Variants in DAPK3 observed in about 807,000 individuals in gnomAD.
The protein encoded by DAPK3 is death-associated protein kinase 3.
A neutral mutation model predicts 30.6 loss-of-function variants in DAPK3; 24 were observed. The ratio of observed to expected loss-of-function variants is 0.78; its 90% CI spans 0.57 to 1.10. The LOEUF is 1.10. DAPK3 is among the 50% of genes least tolerant of loss of function. The probability of loss-of-function intolerance (pLI) is 0.00; values close to 1 mark genes in which losing one functional copy is unlikely to be tolerated. For synonymous variants in DAPK3, 341 were observed against 284.0 expected (o/e 1.20, Z -2.02); for missense variants, 629 against 657.3 (o/e 0.96, Z 0.47).
At chr19:3,963,844 C>A (rs768172200) in intron 5 of DAPK3, 27 bp downstream of exon 5, 1 of 1,512,372 alleles carries the variant, frequency 6.6e-7, no homozygotes, top group Non-Finnish European at 9.2e-7. Context: ...TGCAGGGAGG[C>A]CCGGTGGGAG....
In DAPK3 at chr19:3,959,410, G is replaced by C. The variant is rs1257562457; in HGVS notation, c.1056C>G (p.Asp352Glu). The change falls in exon 9 of 9, where the codon GAC becomes GAG. Residue 352 changes from aspartate to glutamate, a missense_variant. Asp to Glu is a conservative substitution (Grantham distance 45). This residue lies in a region of DAPK3 where 323 missense variants were observed against 278.8 expected (regional missense o/e 1.16). Coordinates refer to ENST00000545797, the MANE Select transcript of DAPK3 (RefSeq NM_001348.3). The stretch of plus-strand genomic sequence containing the variant: ...CGTAGATGGCGGCCAGCGCCTCCAC[G>C]TCCTCGTGGCAGAGCCGCCGGCTGC... ...LQRSRRLCHE[D>E]VEALAAIYEE... 6.4e-7 allele frequency: 1 copy of C among 1,562,094 alleles called. No individual in the cohort carries two copies. Among genetic ancestry groups the C allele is most frequent in the Non-Finnish European group, 8.6e-7 (1 of 1,161,228 alleles).
intron 6 of DAPK3, among the ~76,000 whole-genome samples, chr19:3,962,787 C>CAAA (rs35117218): frequency 0.062 from 4,195 of 67,244 alleles, 353 homozygotes; most frequent in African/African-American, 0.14. Flanking sequence ...AACTCTGTCT[C>CAAA]AAAAAAAAAA....
chr19:3,959,399 A>G lies in DAPK3; in HGVS notation c.1067T>C (p.Leu356Pro). Reference sequence around the variant, plus strand: ...CTCCTTCTCCTCGTAGATGGCGGCCAGCGCCTCCACGTCCTCGTGGCAGAG... The same window carrying G: ...CTCCTTCTCCTCGTAGATGGCGGCCGGCGCCTCCACGTCCTCGTGGCAGAG... ...RRLCHEDVEA[L>P]AAIYEEKEAW... The change falls in exon 9 of 9, where the codon CTG becomes CCG. Residue 356 changes from leucine (L) to proline (P), a missense_variant. By Grantham distance (98) the Leu-to-Pro change is moderately conservative (BLOSUM62 -3). This residue lies in a region of DAPK3 where 323 missense variants were observed against 278.8 expected (regional missense o/e 1.16). Coordinates refer to ENST00000545797, the MANE Select transcript of DAPK3 (RefSeq NM_001348.3). 1 of 1,568,194 alleles carries G rather than the reference A, an allele frequency of 6.4e-7. No homozygotes were observed. The highest frequency in any genetic ancestry group is 1.1e-5 in the South Asian group (1 of 87,136).
chr19:3,959,507 G>T lies in DAPK3; in HGVS notation c.959C>A (p.Ala320Asp). 1 of 1,563,322 alleles carries T rather than the reference G, an allele frequency of 6.4e-7. No individual in the cohort carries two copies. The highest frequency in any genetic ancestry group is 8.6e-7 in the Non-Finnish European group (1 of 1,162,224). The change falls in exon 9 of 9, where the codon GCC becomes GAC. Residue 320 changes from alanine to aspartate, a missense_variant. By Grantham distance (126) the Ala-to-Asp change is moderately radical (BLOSUM62 -2). Coordinates refer to ENST00000545797, the MANE Select transcript of DAPK3 (RefSeq NM_001348.3). ...HSSLPPNNSY[A>D]DFERFSKVLE... ...CACCTTGGAGAAGCGCTCGAAGTCG[G>T]CGTAGCTGTTGTTGGGCGGCAAGCT...
chr19:3,963,753 A>G (rs1447191058), intron 5 of DAPK3, 84 bp from the exon 6 acceptor site: 2 of 1,270,480 alleles, frequency 1.6e-6, no homozygotes, highest in Non-Finnish European at 2.2e-6. Flanking sequence ...CCCCTGTTCT[A>G]GGGCAACGGT....
At position 3,959,178 on chromosome 19, in the gene DAPK3, C is replaced by A. The variant is rs2039473865; in HGVS notation, c.1288G>T (p.Glu430Ter). Reference sequence around the variant, plus strand: ...ACGAGGTCCTGCACGAAGCGCATCTCGGAGGCTACTTGCTTGGCCAGCGCC... The same window carrying A: ...ACGAGGTCCTGCACGAAGCGCATCTAGGAGGCTACTTGCTTGGCCAGCGCC... Reference protein sequence around the residue: ...YEALAKQVASEMRFVQDLVRA... With the variant: ...YEALAKQVAS The change falls in exon 9 of 9, where the codon GAG becomes TAG. Residue 430 changes from glutamate (E) to a stop codon, truncating the protein, a stop_gained. Transcript: ENST00000545797. LOFTEE classifies it high-confidence loss of function. 6.3e-7 allele frequency: 1 copy of A among 1,597,352 alleles called. No homozygotes were observed. Among genetic ancestry groups the A allele is most frequent in the Non-Finnish European group, 8.5e-7 (1 of 1,176,650 alleles).
intron 8 of DAPK3, chr19:3,959,843 G>A: frequency 6.0e-6 from 4 of 661,818 alleles, no homozygotes; most frequent in Non-Finnish European, 1.0e-5. Context: ...AGCCCCGTTG[G>A]ACACACACCA....
chr19:3,963,804 C>A, intron 5 of DAPK3, 67 bp downstream of exon 5: 3 of 1,264,256 alleles, frequency 2.4e-6, no homozygotes, highest in Non-Finnish European at 3.4e-6. Flanking sequence ...GCTTCATCCC[C>A]AGCTGCAGCA....
At chr19:3,965,100 C>T in intron 2 of DAPK3, 109 bp from the exon 3 acceptor site, 1 of 649,722 alleles carries the variant, frequency 1.5e-6, no homozygotes. Context: ...GGCCCTGCAC[C>T]AGGCACTTGA....
chr19:3,967,831 C>T (rs528238490), intron 2 of DAPK3, among the ~76,000 whole-genome samples: 4 of 152,348 alleles, frequency 2.6e-5, no homozygotes, highest in Admixed American at 1.3e-4. Flanking sequence ...TTCCAGACCA[C>T]TACCTGAAGC....
chr19:3,967,731 G>T (rs930025239), intron 2 of DAPK3, among the ~76,000 whole-genome samples: 1 of 152,162 alleles, frequency 6.6e-6, no homozygotes, highest in Admixed American at 6.5e-5. Flanking sequence ...CTCCAGTCTC[G>T]GCAACAGAGC....
chr19:3,969,392 G>A (rs991332648), intron 2 of DAPK3, among the ~76,000 whole-genome samples: 3 of 152,052 alleles, frequency 2.0e-5, no homozygotes, highest in Non-Finnish European at 2.9e-5. Context: ...AAAAGCAGCT[G>A]GCATCTGTTG....
chr19:3,960,779 G>A lies in DAPK3; in HGVS notation c.782+230C>T, dbSNP rs534898474. The stretch of plus-strand genomic sequence containing the variant: ...AGCCTGGGAGACAGAGCAAGACTCC[G>A]TCTCAAAAAAAAAGACTCCGTCTCA... On this transcript the variant is annotated intron_variant, in intron 7 of 8. Transcript: ENST00000545797. Among the ~76,000 whole-genome samples, 211 of 110,844 alleles carry A rather than the reference G, an allele frequency of 1.9e-3. 1 individual carries two copies. The highest frequency in any genetic ancestry group is 8.8e-3 in the Middle Eastern group (1 of 114). 72.7% of individuals were successfully genotyped at this position (110,844 alleles called of 152,430 possible).
chr19:3,969,405 C>G (rs1406525111), intron 2 of DAPK3, among the ~76,000 whole-genome samples: 2 of 152,150 alleles, frequency 1.3e-5, no homozygotes, highest in Non-Finnish European at 2.9e-5. Context: ...ATCTGTTGCT[C>G]TGGTGCCCCA....
chr19:3,969,983 G>C, intron 1 of DAPK3, 154 bp from the exon 2 acceptor site: 1 of 541,952 alleles, frequency 1.8e-6, no homozygotes, highest in East Asian at 3.1e-5. Context: ...TTACTGGGCT[G>C]GGTCCTGTCA....
chr19:3,963,405 C>T (rs925258496), intron 6 of DAPK3, among the ~76,000 whole-genome samples: 5 of 151,768 alleles, frequency 3.3e-5, no homozygotes, highest in Non-Finnish European at 4.4e-5. Flanking sequence ...GGAGCACACA[C>T]GACCCCCAAC....
intron 2 of DAPK3, among the ~76,000 whole-genome samples, chr19:3,966,245 G>T (rs569590877): frequency 6.6e-6 from 1 of 152,168 alleles, no homozygotes; most frequent in Admixed American, 6.5e-5. Context: ...GCTGGGTACC[G>T]GGTTCCTGCG....
At chr19:3,967,969 G>C (rs1180757686) in intron 2 of DAPK3, among the ~76,000 whole-genome samples, 1 of 152,172 alleles carries the variant, frequency 6.6e-6, no homozygotes, top group Non-Finnish European at 1.5e-5. Context: ...AAAACAGAAG[G>C]CTAAATACTT....
chr19:3,958,569 G>A lies in DAPK3; in HGVS notation c.*532C>T, dbSNP rs1357103339. ...TCCGCAGCAGGGCACCCCACACCCG[G>A]GGGACCGGCCTCGGCGAGAAGGGCA... On this transcript the variant is annotated 3_prime_UTR_variant, in exon 9 of 9. Transcript: ENST00000545797. 1.1e-5 allele frequency: 5 copies of A among 455,312 alleles called. No individual in the cohort carries two copies. In the Admixed American group the frequency reaches 1.2e-4, roughly 11 times the overall value. The allele number at this position is 455,312 out of a possible 1,614,324, so 28.2% of individuals were successfully genotyped here. A position where few individuals can be genotyped will look rare whatever the true frequency, so the allele number is the denominator to read the frequency against.
Sources: gnomAD v4.1 joint callset for allele counts (sites outside exome capture counted in the v4.1 genomes callset) on GRCh38, gnomAD v4.1.1 for gene constraint, gnomAD v4.1.1 regional missense constraint, MANE v1.5 for transcripts, NCBI Gene and HGNC (gene_info 2026-07-23, HGNC 2026-07-21) for gene names.